ADAMTS9: variants seen among roughly 807,000 people sequenced by gnomAD.
ADAMTS9 encodes ADAM metallopeptidase with thrombospondin type 1 motif 9.
Under a neutral mutation model 257.1 loss-of-function variants are expected in ADAMTS9, and 107 were observed. The ratio of observed to expected loss-of-function variants is 0.42; its 90% CI spans 0.36 to 0.49. The LOEUF is 0.49. ADAMTS9 is among the 20% of genes least tolerant of loss of function. The probability of loss-of-function intolerance (pLI) is 0.03; values close to 1 mark genes in which losing one functional copy is unlikely to be tolerated. For synonymous variants in ADAMTS9, 982 were observed against 880.9 expected (o/e 1.11, Z -2.03); for missense variants, 2,353 against 2,469.1 (o/e 0.95, Z 1.00).
At position 64,687,576 on chromosome 3, in the gene ADAMTS9, C is replaced by A; in HGVS notation, c.82G>T (p.Ala28Ser). ...AEMGSPDAAA[A>S]VRKDRLHPRQ... Reference sequence around the variant, plus strand: ...GGGTGCAGCCTGTCCTTGCGCACGGCCGCCGCGGCGTCTGGGCTCCCCATC... The same window carrying A: ...GGGTGCAGCCTGTCCTTGCGCACGGACGCCGCGGCGTCTGGGCTCCCCATC... The change falls in exon 1 of 40, where the codon GCC becomes TCC. Residue 28 changes from alanine to serine, a missense_variant. By Grantham distance (99) the Ala-to-Ser change is moderately conservative. Coordinates refer to ENST00000498707, the MANE Select transcript of ADAMTS9 (RefSeq NM_182920.2). This position sits in a 1 kb window ranked among gnomAD's most constrained non-coding sequence, Gnocchi z 4.4. The A allele has an allele frequency of 6.4e-7, 1 of 1,570,090 alleles. No homozygotes were observed. The highest frequency in any genetic ancestry group is 8.6e-7 in the Non-Finnish European group (1 of 1,158,760).
At chr3:64,612,932 G>A (rs1254969623) in intron 22 of ADAMTS9, among the ~76,000 whole-genome samples, 2 of 152,176 alleles carry the variant, frequency 1.3e-5, no homozygotes, top group African/African-American at 4.8e-5. Flanking sequence ...TTGTAATTGT[G>A]ACATTGGGAG....
In ADAMTS9 at chr3:64,651,106, G is replaced by C. The variant is rs769960823; in HGVS notation, c.1374C>G (p.Pro458=). 1.2e-6 allele frequency: 2 copies of C among 1,606,068 alleles called. No homozygotes were observed. Among genetic ancestry groups the C allele is most frequent in the Non-Finnish European group, 1.7e-6 (2 of 1,177,270 alleles). Residue 458 remains proline (P), a synonymous_variant, in exon 9 of 40, where the codon CCC becomes CCG. Transcript: ENST00000498707. The stretch of plus-strand genomic sequence containing the variant: ...TCAGTGTTGGAGCCATGACATGCTG[G>C]GGACTCTTAACTCCTTCTTCTTTAC... ...NKCKEEGVKS[P]QHVMAPTLNF...
chr3:64,661,390 C>T (rs1355327915), intron 3 of ADAMTS9, among the ~76,000 whole-genome samples: 1 of 152,158 alleles, frequency 6.6e-6, no homozygotes, highest in Non-Finnish European at 1.5e-5. Context: ...TAAACAAGCA[C>T]CTACTATGTA....
At chr3:64,672,242 T>C (rs1170381759) in intron 3 of ADAMTS9, among the ~76,000 whole-genome samples, 1 of 152,192 alleles carries the variant, frequency 6.6e-6, no homozygotes, top group African/African-American at 2.4e-5. Context: ...AGCACCCCTT[T>C]TCTTCAGCAG....
At chr3:64,622,134 A>T in intron 18 of ADAMTS9, 64 bp downstream of exon 18, 1 of 1,501,604 alleles carries the variant, frequency 6.7e-7, no homozygotes, top group Non-Finnish European at 8.9e-7. Context: ...GGCTGTTATT[A>T]AAAATAAATA....
chr3:64,556,653 C>G (rs1027807972), intron 30 of ADAMTS9, among the ~76,000 whole-genome samples: 2 of 152,090 alleles, frequency 1.3e-5, no homozygotes, highest in Non-Finnish European at 2.9e-5. Context: ...TTTTAGAATG[C>G]CTTTATTCTA....
intron 38 of ADAMTS9, among the ~76,000 whole-genome samples, chr3:64,532,695 T>C (rs960530373): frequency 6.6e-6 from 1 of 152,210 alleles, no homozygotes; most frequent in Non-Finnish European, 1.5e-5. Context: ...AAACTTATTA[T>C]TGTAGACCCT....
At chr3:64,614,042 A>C (rs2084715334) in intron 21 of ADAMTS9, among the ~76,000 whole-genome samples, 1 of 152,206 alleles carries the variant, frequency 6.6e-6, no homozygotes, top group Admixed American at 6.5e-5. Context: ...CTGTAGAAAA[A>C]CATAAATGAA....
chr3:64,559,137 C>T (rs1369656299), intron 30 of ADAMTS9, among the ~76,000 whole-genome samples: 1 of 152,168 alleles, frequency 6.6e-6, no homozygotes, highest in Non-Finnish European at 1.5e-5. Flanking sequence ...AGGACTACCC[C>T]AGGCAAACAG....
chr3:64,658,471 T>C, intron 4 of ADAMTS9, 31 bp downstream of exon 4: 1 of 1,590,622 alleles, frequency 6.3e-7, no homozygotes, highest in Non-Finnish European at 8.6e-7. Flanking sequence ...TTTAGAGACC[T>C]CATAAATCAC....
chr3:64,557,665 C>T (rs1252137482), intron 30 of ADAMTS9, among the ~76,000 whole-genome samples: 2 of 152,168 alleles, frequency 1.3e-5, no homozygotes, highest in Non-Finnish European at 1.5e-5. Flanking sequence ...GTCACCATGT[C>T]GAATCATGTC....
chr3:64,654,466 A>T lies in ADAMTS9; in HGVS notation c.1211-8T>A. 1.2e-6 allele frequency: 2 copies of T among 1,613,602 alleles called. No homozygotes were observed. The highest frequency in any genetic ancestry group is 1.7e-5 in the Admixed American group (1 of 59,926). On this transcript the variant is annotated splice_polypyrimidine_tract_variant and splice_region_variant and intron_variant, in intron 7 of 39. Coordinates refer to ENST00000498707, the MANE Select transcript of ADAMTS9 (RefSeq NM_182920.2). ...TTCCCAGTTCAGCCAGGCCTATTAG[A>T]AGGAAAAAAACCAACAAGGATTTAC...
chr3:64,578,534 G>A (rs1303704270), intron 28 of ADAMTS9, among the ~76,000 whole-genome samples: 1 of 152,024 alleles, frequency 6.6e-6, no homozygotes, highest in Non-Finnish European at 1.5e-5. Context: ...AGTCAGACCT[G>A]GTCTGACTGG....
In ADAMTS9 at chr3:64,633,485, T is replaced by C; in HGVS notation, c.2162A>G (p.Gln721Arg). 1 of 1,614,070 alleles carries C rather than the reference T, an allele frequency of 6.2e-7. No homozygotes were observed. Among genetic ancestry groups the C allele is most frequent in the Middle Eastern group, 1.6e-4 (1 of 6,062 alleles). Reference sequence around the variant, plus strand: ...TCAAGGACTTACCCGGCAAAGGCCCTGGACACAGATATCATTTGTGTCCTG... The same window carrying C: ...TCAAGGACTTACCCGGCAAAGGCCCCGGACACAGATATCATTTGTGTCCTG... ...CGQDTNDICV[Q>R]GLCRQAGCDH... Residue 721 changes from glutamine (Q) to arginine (R), a missense_variant, in exon 14 of 40, where the codon CAG (glutamine) becomes CGG (arginine). By Grantham distance (43) the Gln-to-Arg change is conservative. Transcript: ENST00000498707.
intron 3 of ADAMTS9, among the ~76,000 whole-genome samples, chr3:64,664,206 G>A (rs1416268506): frequency 6.6e-6 from 1 of 152,090 alleles, no homozygotes; most frequent in Non-Finnish European, 1.5e-5. Context: ...TGAAAAAATG[G>A]TCTGTGTATT....
intron 26 of ADAMTS9, among the ~76,000 whole-genome samples, chr3:64,600,767 C>T (rs751808396): frequency 1.3e-5 from 2 of 152,170 alleles, no homozygotes; most frequent in Non-Finnish European, 2.9e-5. Context: ...CTGCACACAA[C>T]CAGCAAAGAC....
chr3:64,649,811 A>C (rs1294659893), intron 9 of ADAMTS9, 33 bp from the exon 10 acceptor site: 4 of 1,592,970 alleles, frequency 2.5e-6, no homozygotes, highest in Admixed American at 3.5e-5. Context: ...ACAGATGGTG[A>C]GAACGGTGGC....
At chr3:64,534,478 A>G (rs1390994348) in intron 37 of ADAMTS9, among the ~76,000 whole-genome samples, 2 of 152,188 alleles carry the variant, frequency 1.3e-5, no homozygotes, top group African/African-American at 4.8e-5. Flanking sequence ...GGGCCTTACT[A>G]TTGCTTTGTT....
rs1302358689 is a variant in ADAMTS9, at chr3:64,686,670, C to T, written c.414G>A (p.Lys138=). The T allele has an allele frequency of 1.2e-5, 19 of 1,614,172 alleles. No homozygotes were observed. The South Asian group carries it at 2.1e-4, about 18-fold the overall frequency. The change falls in exon 2 of 40, where the codon AAG becomes AAA. Residue 138 remains lysine, a synonymous_variant. Coordinates refer to ENST00000498707, the MANE Select transcript of ADAMTS9 (RefSeq NM_182920.2). The surrounding 1 kb of genome is among the most constrained non-coding windows in gnomAD (Gnocchi z 4.6). ...GTTCCGCTTCCTCTTCGGAATAAAA[C>T]TTGGTCTGATTCACCCCGGGCGTCC... ...LLGTPGVNQT[K]FYSEEEAELK... is the part of the protein sequence containing the mutation.
Sources: gnomAD v4.1 joint callset for allele counts (sites outside exome capture counted in the v4.1 genomes callset) on GRCh38, gnomAD v4.1.1 for gene constraint, Gnocchi (gnomAD v3.1) non-coding constraint, MANE v1.5 for transcripts, NCBI Gene and HGNC (gene_info 2026-07-23, HGNC 2026-07-21) for gene names.